CNKSR3: variants seen among roughly 807,000 people sequenced by gnomAD.
The protein encoded by CNKSR3 is CNKSR family member 3.
In CNKSR3, 36 loss-of-function variants were observed where a neutral mutation model predicts 67.7. The ratio of observed to expected loss-of-function variants is 0.53; its 90% CI spans 0.41 to 0.70. CNKSR3 has a LOEUF of 0.70. Ranked by LOEUF, CNKSR3 falls within the 30% of genes least tolerant of loss-of-function variation. The probability of loss-of-function intolerance (pLI) is 0.00; values close to 1 mark genes in which losing one functional copy is unlikely to be tolerated. For synonymous variants in CNKSR3, 281 were observed against 271.4 expected (o/e 1.04, Z -0.35); for missense variants, 630 against 695.2 (o/e 0.91, Z 1.05).
rs888292827 is a variant in CNKSR3 at position 154,402,054 on chromosome 6, G to T, written c.*4300C>A. 5 of 152,112 alleles carry T rather than the reference G, an allele frequency of 3.3e-5. No individual in the cohort carries two copies. Among genetic ancestry groups the T allele is most frequent in the African/African-American group, 4.8e-5 (2 of 41,438 alleles). The allele number at this position is 152,112 out of a possible 1,614,324, so 9.4% of individuals were successfully genotyped here. A position where few individuals can be genotyped will look rare whatever the true frequency, so the allele number is the denominator to read the frequency against. ...AGAACTGAGAGAGAAGCAGAGATAG[G>T]AAATGGACAAATATATAGACTGAAA... On this transcript the variant is annotated 3_prime_UTR_variant, in exon 13 of 13. Transcript: ENST00000607772.
chr6:154,497,706 A>C (rs1786906460), intron 1 of CNKSR3, among the ~76,000 whole-genome samples: 1 of 152,226 alleles, frequency 6.6e-6, no homozygotes, highest in African/African-American at 2.4e-5. Flanking sequence ...TATAGCCTGT[A>C]TACTTACAAC....
chr6:154,501,445 T>C (rs1239826292), intron 1 of CNKSR3, among the ~76,000 whole-genome samples: 22 of 152,172 alleles, frequency 1.4e-4, no homozygotes, highest in Admixed American at 1.4e-3. Context: ...CTGGCCTCTG[T>C]GTGTCTCTCT....
chr6:154,448,263 G>T lies in CNKSR3; in HGVS notation c.216+1832C>A, dbSNP rs149884961. Among the ~76,000 whole-genome samples the T allele has an allele frequency of 2.1e-3, 322 of 151,950 alleles. 3 individuals are homozygous for T. The highest frequency in any genetic ancestry group is 7.3e-3 in the African/African-American group (302 of 41,436). On this transcript the variant is annotated intron_variant, in intron 2 of 12. Transcript: ENST00000607772. ...TCATCCCACTTGATGCATGTGATGC[G>T]TCTCTAGCTGACCCTTCCTGCCTCT...
chr6:154,412,363 C>T (rs773212193), intron 10 of CNKSR3, among the ~76,000 whole-genome samples: 11 of 152,144 alleles, frequency 7.2e-5, no homozygotes, highest in African/African-American at 2.7e-4. Flanking sequence ...AGCGTCTTCC[C>T]GAGCAGTTTA....
chr6:154,462,763 C>G (rs915100247), intron 1 of CNKSR3, among the ~76,000 whole-genome samples: 5 of 152,182 alleles, frequency 3.3e-5, no homozygotes, highest in South Asian at 2.1e-4. Flanking sequence ...TATGAAGGAG[C>G]CCAGCATTCT....
intron 1 of CNKSR3, among the ~76,000 whole-genome samples, chr6:154,483,093 C>T (rs1048239432): frequency 5.3e-5 from 8 of 152,182 alleles, no homozygotes; most frequent in African/African-American, 1.9e-4. Flanking sequence ...ACCCCAGTGG[C>T]ATCTTGGACG....
intron 1 of CNKSR3, among the ~76,000 whole-genome samples, chr6:154,502,808 A>G (rs1386874053): frequency 1.3e-5 from 2 of 152,206 alleles, no homozygotes; most frequent in African/African-American, 4.8e-5. Context: ...GCCAGTGATG[A>G]CACGCCAGAA....
At position 154,486,464 on chromosome 6, in the gene CNKSR3, TTTTTATTTTA is replaced by T. The variant is rs370678999; in HGVS notation, c.52+23589_52+23598del. 1.1e-3 allele frequency among the ~76,000 whole-genome samples: 155 copies of T among 146,468 alleles called. 9 individuals are homozygous for T. Among genetic ancestry groups the T allele is most frequent in the East Asian group, 6.3e-3 (32 of 5,094 alleles). On this transcript the variant is annotated intron_variant, in intron 1 of 12. Coordinates refer to ENST00000607772, the MANE Select transcript of CNKSR3 (RefSeq NM_173515.4). ...GGCACGGGCCACCACGCCCAGCTAA[TTTTTATTTTA>T]TTTTATTTTATTTTATTTTATTTTA...
At chr6:154,436,753 G>A (rs552062807) in intron 4 of CNKSR3, among the ~76,000 whole-genome samples, 1 of 151,980 alleles carries the variant, frequency 6.6e-6, no homozygotes, top group Admixed American at 6.6e-5. Context: ...GACATGAGGA[G>A]ACTACACTGG....
chr6:154,480,703 A>C (rs1181051298), intron 1 of CNKSR3, among the ~76,000 whole-genome samples: 2 of 152,190 alleles, frequency 1.3e-5, no homozygotes, highest in African/African-American at 4.8e-5. Context: ...TTTACATCCA[A>C]CAGAAGATAT....
At chr6:154,481,927 G>A (rs753223707) in intron 1 of CNKSR3, among the ~76,000 whole-genome samples, 83 of 152,140 alleles carry the variant, frequency 5.5e-4, no homozygotes, top group Non-Finnish European at 1.1e-3. Context: ...CTAATGCACA[G>A]TACAGTTCTA....
rs527284161 is a variant in CNKSR3 at position 154,394,122 on chromosome 6, G to A, written c.*12232C>T. On this transcript the variant is annotated 3_prime_UTR_variant, in exon 13 of 13. Coordinates refer to ENST00000607772, the MANE Select transcript of CNKSR3 (RefSeq NM_173515.4). Reference sequence around the variant, plus strand: ...TAACCTCAAACTCCTGGGCTCCAGCGATTATCCCACCTCAGCCTCCCAAAT... The same window carrying A: ...TAACCTCAAACTCCTGGGCTCCAGCAATTATCCCACCTCAGCCTCCCAAAT... The A allele has an allele frequency of 6.6e-6, 1 of 152,250 alleles. No individual in the cohort carries two copies. Among genetic ancestry groups the A allele is most frequent in the Non-Finnish European group, 1.5e-5 (1 of 68,052 alleles). The allele number at this position is 152,250 out of a possible 1,614,324, so 9.4% of individuals were successfully genotyped here.
At chr6:154,501,777 G>T (rs977690079) in intron 1 of CNKSR3, among the ~76,000 whole-genome samples, 1 of 152,058 alleles carries the variant, frequency 6.6e-6, no homozygotes, top group African/African-American at 2.4e-5. Flanking sequence ...TGGTGGTGGC[G>T]TTTGTCACCC....
chr6:154,406,712 G>C, intron 12 of CNKSR3, 60 bp from the exon 13 acceptor site: 1 of 1,461,522 alleles, frequency 6.8e-7, no homozygotes, highest in Non-Finnish European at 9.3e-7. Flanking sequence ...GCTCACACCT[G>C]TAATCTCCGC....
chr6:154,409,440 C>A (rs1056808552), intron 12 of CNKSR3, among the ~76,000 whole-genome samples: 2 of 152,192 alleles, frequency 1.3e-5, no homozygotes, highest in East Asian at 3.9e-4. Context: ...ACACAAATTT[C>A]TTTTCAAATA....
intron 2 of CNKSR3, among the ~76,000 whole-genome samples, chr6:154,448,261 G>T (rs1201868735): frequency 6.6e-6 from 1 of 151,894 alleles, no homozygotes; most frequent in Non-Finnish European, 1.5e-5. Flanking sequence ...TGCATGTGAT[G>T]CGTCTCTAGC....
chr6:154,484,212 T>C (rs72999359), intron 1 of CNKSR3, among the ~76,000 whole-genome samples: 9,126 of 152,190 alleles, frequency 0.06, 320 homozygotes, highest in African/African-American at 0.086. Flanking sequence ...CCCTCAAAAT[T>C]AGACTTAACG....
At chr6:154,456,411 A>T (rs1311807619) in intron 1 of CNKSR3, among the ~76,000 whole-genome samples, 1 of 151,754 alleles carries the variant, frequency 6.6e-6, no homozygotes, top group Non-Finnish European at 1.5e-5. Flanking sequence ...ATCACAAGTG[A>T]CATGTGCCAG....
At chr6:154,437,443 T>A (rs1274332959) in intron 4 of CNKSR3, among the ~76,000 whole-genome samples, 2 of 143,548 alleles carry the variant, frequency 1.4e-5, no homozygotes, top group South Asian at 2.2e-4. Flanking sequence ...AGATGGAGTT[T>A]CAGTCTTTCA....
Sources: gnomAD v4.1 joint callset for allele counts (sites outside exome capture counted in the v4.1 genomes callset) on GRCh38, gnomAD v4.1.1 for gene constraint, MANE v1.5 for transcripts, NCBI Gene and HGNC (gene_info 2026-07-23, HGNC 2026-07-21) for gene names.